The following TOLLIP variants were observed in gnomAD, a reference collection of about 807,000 sequenced individuals.
The protein encoded by TOLLIP is toll-interacting protein.
Under a neutral mutation model 33.5 loss-of-function variants are expected in TOLLIP, and 16 were observed. The observed-to-expected ratio is 0.48, with a 90% CI of 0.32 to 0.72. The LOEUF is 0.72. Ranked by LOEUF, TOLLIP falls within the 30% of genes least tolerant of loss-of-function variation. The pLI is 0.03. For missense variants in TOLLIP, 325 were observed against 396.6 expected (o/e 0.82, Z 1.53); for synonymous variants, 176 against 163.7 (o/e 1.07, Z -0.57).
chr11:1,299,103 G>A (rs917535565), intron 1 of TOLLIP, among the ~76,000 whole-genome samples: 3 of 152,218 alleles, frequency 2.0e-5, no homozygotes, highest in African/African-American at 7.2e-5. Flanking sequence ...GGGGAGCGTC[G>A]GCCAGGGGAC....
Position 1,277,197 on chromosome 11 carries a change from C to A in TOLLIP, c.667G>T (p.Val223Leu), listed in dbSNP as rs762377289. The change falls in exon 6 of 6, where the codon GTG becomes TTG. Residue 223 changes from valine to leucine, a missense_variant. Val to Leu is a conservative substitution (Grantham distance 32). Transcript: ENST00000317204. This position sits in a 1 kb window ranked among gnomAD's most constrained non-coding sequence, Gnocchi z 4.2. ...MVPVALPPAA[V>L]NAQPRCSEED... ...TCGCTACAGCGGGGCTGGGCGTTCA[C>A]GGCGGCCGGGGGCAGGGCCACGGGC... 6.2e-6 allele frequency: 10 copies of A among 1,600,220 alleles called. No individual in the cohort carries two copies. In the East Asian group the frequency reaches 1.8e-4, roughly 29 times the overall value.
At chr11:1,298,179 G>C (rs1194442822) in intron 1 of TOLLIP, 1 of 152,318 alleles carries the variant, frequency 6.6e-6, no homozygotes, top group Non-Finnish European at 1.5e-5. Flanking sequence ...TGTGACAACT[G>C]CTTCCTGTGT....
intron 2 of TOLLIP, chr11:1,291,963 C>G (rs1363931448): frequency 2.0e-5 from 3 of 152,724 alleles, no homozygotes; most frequent in Admixed American, 6.5e-5. Context: ...GTTTTCTATT[C>G]TTGTCCACAT....
intron 5 of TOLLIP, among the ~76,000 whole-genome samples, chr11:1,280,863 C>T (rs1863475596): frequency 6.6e-6 from 1 of 152,194 alleles, no homozygotes; most frequent in Non-Finnish European, 1.5e-5. Flanking sequence ...GCCCGAGTGC[C>T]CCTCTGTGCC....
At chr11:1,284,600 T>C (rs922204488) in intron 5 of TOLLIP, among the ~76,000 whole-genome samples, 1 of 152,146 alleles carries the variant, frequency 6.6e-6, no homozygotes, top group Non-Finnish European at 1.5e-5. Flanking sequence ...CTGCCCGCCT[T>C]GGCCTCCCAA....
intron 1 of TOLLIP, among the ~76,000 whole-genome samples, chr11:1,302,092 C>G (rs1157040140): frequency 6.6e-6 from 1 of 152,260 alleles, no homozygotes; most frequent in Admixed American, 6.5e-5. Flanking sequence ...GGGGCCTGCT[C>G]CAGGCCACTG....
chr11:1,285,845 C>T (rs1170493321), intron 5 of TOLLIP, among the ~76,000 whole-genome samples, 157 bp downstream of exon 5: 3 of 152,160 alleles, frequency 2.0e-5, no homozygotes, highest in Non-Finnish European at 2.9e-5. Context: ...GGCTTCCTGG[C>T]CTGAAAGGAT....
In TOLLIP at chr11:1,278,053, G is replaced by T. The variant is rs1863367145; in HGVS notation, c.611-800C>A. On this transcript the variant is annotated intron_variant, in intron 5 of 5. Transcript: ENST00000317204. The surrounding 1 kb of genome is among the most constrained non-coding windows in gnomAD (Gnocchi z 4.7). The stretch of plus-strand genomic sequence containing the variant: ...CACTGAGATGCAATCTATCGAGCAG[G>T]AGACGCACGGCGGTTCAGCCACTGC... Among the ~76,000 whole-genome samples, 1 of 152,154 alleles carries T rather than the reference G, an allele frequency of 6.6e-6. No individual in the cohort carries two copies. The highest frequency in any genetic ancestry group is 1.9e-4 in the East Asian group (1 of 5,180).
intron 2 of TOLLIP, chr11:1,292,115 C>T (rs1274526834): frequency 1.3e-5 from 2 of 152,220 alleles, no homozygotes; most frequent in Admixed American, 6.5e-5. Flanking sequence ...GACAGTTTTC[C>T]GGAAGCTCCT....
intron 1 of TOLLIP, among the ~76,000 whole-genome samples, chr11:1,307,624 C>G (rs1349462875): frequency 6.6e-6 from 1 of 152,248 alleles, no homozygotes; most frequent in Non-Finnish European, 1.5e-5. Flanking sequence ...CCCCCCTGCT[C>G]TCCAGGAGGA....
At chr11:1,309,281 G>A (rs986383571) in intron 1 of TOLLIP, among the ~76,000 whole-genome samples, 185 bp downstream of exon 1, 10 of 151,950 alleles carry the variant, frequency 6.6e-5, no homozygotes, top group African/African-American at 2.2e-4. Context: ...GGGCGCGTCC[G>A]TCCGGCCCGC....
intron 1 of TOLLIP, among the ~76,000 whole-genome samples, chr11:1,297,813 C>T (rs1206300009): frequency 1.3e-5 from 2 of 152,344 alleles, no homozygotes; most frequent in Admixed American, 6.5e-5. Flanking sequence ...CAGCCTCTCT[C>T]GAGGCGCTGT....
In TOLLIP at chr11:1,277,029, G is replaced by A; in HGVS notation, c.*10C>T. ...AAGAGCGGGGGCAAAACGGCATCGA[G>A]GCAGAGGCTCTATGGCTCCTCCCCC... On this transcript the variant is annotated 3_prime_UTR_variant, in exon 6 of 6. Transcript: ENST00000317204. This position sits in a 1 kb window ranked among gnomAD's most constrained non-coding sequence, Gnocchi z 4.2. 6.2e-7 allele frequency: 1 copy of A among 1,611,840 alleles called. No homozygotes were observed. The highest frequency in any genetic ancestry group is 8.5e-7 in the Non-Finnish European group (1 of 1,178,310).
chr11:1,295,477 A>G lies in TOLLIP; in HGVS notation c.183+168T>C, dbSNP rs569589994. On this transcript the variant is annotated intron_variant, in intron 2 of 5. Transcript: ENST00000317204. ...TTGGTAGAACCCGGGGTCAATGCCA[A>G]TATCTTTCACACAGATCGTTTTCAA... The G allele has an allele frequency of 2.5e-4, 221 of 885,980 alleles. 2 individuals are homozygous for G. In the South Asian group the frequency reaches 4.2e-3, roughly 17 times the overall value. 54.9% of individuals were successfully genotyped at this position (885,980 alleles called of 1,614,324 possible). A position where few individuals can be genotyped will look rare whatever the true frequency, so the allele number is the denominator to read the frequency against.
rs1863563132 is a variant in TOLLIP, at chr11:1,283,233, C to A, written c.610+2769G>T. 27 of 228,030 alleles carry A rather than the reference C, an allele frequency of 1.2e-4. No individual in the cohort carries two copies. In the South Asian group the frequency reaches 1.4e-3, roughly 11 times the overall value. 14.1% of individuals were successfully genotyped at this position (228,030 alleles called of 1,614,324 possible). A position where few individuals can be genotyped will look rare whatever the true frequency, so the allele number is the denominator to read the frequency against. ...GCAGCCCCGGGGAAACTCAGCCCTA[C>A]CCTGCAAGGCCACGTCAGCAGCCCC... On this transcript the variant is annotated intron_variant, in intron 5 of 5. Coordinates refer to ENST00000317204, the MANE Select transcript of TOLLIP (RefSeq NM_019009.4).
intron 2 of TOLLIP, among the ~76,000 whole-genome samples, chr11:1,294,958 ACGGTGTGTCTCCTTTCCCTG>A: frequency 3.1e-5 from 1 of 31,920 alleles, no homozygotes; most frequent in East Asian, 4.6e-4. Flanking sequence ...CGCGTGGCTC[ACGGTGTGTCTCCTTTCCCTG>A]CATTTCTACG....
intron 1 of TOLLIP, among the ~76,000 whole-genome samples, chr11:1,299,829 C>A (rs1864213420): frequency 6.6e-6 from 1 of 152,206 alleles, no homozygotes; most frequent in Non-Finnish European, 1.5e-5. Flanking sequence ...CAAAACGCCC[C>A]GTCCACCAGC....
intron 1 of TOLLIP, among the ~76,000 whole-genome samples, chr11:1,305,063 G>A (rs1304977032): frequency 6.6e-6 from 1 of 152,254 alleles, no homozygotes; most frequent in Non-Finnish European, 1.5e-5. Context: ...CTAAAAGACA[G>A]CTGGGGTGGC....
chr11:1,281,049 C>A (rs936392847), intron 5 of TOLLIP, among the ~76,000 whole-genome samples: 1 of 152,242 alleles, frequency 6.6e-6, no homozygotes, highest in Non-Finnish European at 1.5e-5. Flanking sequence ...TGAGGCCACG[C>A]GGTCTCCAGA....
Sources: allele counts gnomAD v4.1 joint callset (sites outside exome capture counted in the v4.1 genomes callset), GRCh38; gene constraint gnomAD v4.1.1; non-coding constraint Gnocchi (gnomAD v3.1); transcripts MANE v1.5; gene names NCBI Gene and HGNC (gene_info 2026-07-23, HGNC 2026-07-21).